Variants in SLC38A1 observed in about 807,000 individuals in gnomAD.
SLC38A1 encodes the protein solute carrier family 38 member 1.
Under a neutral mutation model 60.3 loss-of-function variants are expected in SLC38A1, and 18 were observed. The observed-to-expected ratio is 0.30, with a 90% CI of 0.21 to 0.44. The LOEUF is 0.44. SLC38A1 is among the 20% of genes least tolerant of loss of function. SLC38A1 has a pLI of 1.00. For synonymous variants in SLC38A1, 196 were observed against 212.1 expected, an observed-to-expected ratio of 0.92 and a Z score of 0.66; for missense variants, 448 against 587.2, an observed-to-expected ratio of 0.76 and a Z score of 2.45.
chr12:46,254,460 T>A (rs1292266607), intron 1 of SLC38A1, among the ~76,000 whole-genome samples: 1 of 152,258 alleles, frequency 6.6e-6, no homozygotes, highest in Non-Finnish European at 1.5e-5. Context: ...AGAATAATTA[T>A]TTTTCACATA....
intron 5 of SLC38A1, among the ~76,000 whole-genome samples, chr12:46,228,010 C>T (rs1940931580): frequency 6.6e-6 from 1 of 151,946 alleles, no homozygotes; most frequent in African/African-American, 2.4e-5. Flanking sequence ...GCCATATTAC[C>T]CTAAAACCTG....
intron 5 of SLC38A1, among the ~76,000 whole-genome samples, chr12:46,214,871 G>A (rs1192293364): frequency 6.6e-6 from 1 of 152,218 alleles, no homozygotes; most frequent in Non-Finnish European, 1.5e-5. Context: ...TCAGATGGGG[G>A]TGTTTGGGGC....
At chr12:46,247,209 C>T (rs1941651626) in intron 1 of SLC38A1, among the ~76,000 whole-genome samples, 2 of 152,190 alleles carry the variant, frequency 1.3e-5, no homozygotes, top group South Asian at 4.1e-4. Context: ...AAGTAGGCTT[C>T]AGAAGGTCGG....
At chr12:46,243,027 A>T (rs964589236) in intron 2 of SLC38A1, among the ~76,000 whole-genome samples, 173 bp downstream of exon 2, 1 of 151,842 alleles carries the variant, frequency 6.6e-6, no homozygotes, top group African/African-American at 2.4e-5. Flanking sequence ...TCATATTGTA[A>T]GCATTTTGAA....
At chr12:46,213,256 C>T (rs1940256078) in intron 5 of SLC38A1, among the ~76,000 whole-genome samples, 1 of 152,200 alleles carries the variant, frequency 6.6e-6, no homozygotes, top group Non-Finnish European at 1.5e-5. Context: ...CAACCACACA[C>T]TTTTCATTCT....
chr12:46,191,743 GTA>G (rs1939155242), intron 16 of SLC38A1, among the ~76,000 whole-genome samples: 1 of 152,138 alleles, frequency 6.6e-6, no homozygotes, highest in South Asian at 2.1e-4. Context: ...TATTATTGGT[GTA>G]TAGGAATGGT....
At chr12:46,219,480 T>C (rs542249838) in intron 5 of SLC38A1, among the ~76,000 whole-genome samples, 3 of 152,332 alleles carry the variant, frequency 2.0e-5, no homozygotes, top group African/African-American at 7.2e-5. Flanking sequence ...GCGGGTGGCT[T>C]TGGTCTGCAG....
chr12:46,211,861 C>A (rs1030685775), intron 5 of SLC38A1, among the ~76,000 whole-genome samples: 3 of 152,140 alleles, frequency 2.0e-5, no homozygotes, highest in African/African-American at 7.2e-5. Flanking sequence ...AGTCCTTTCC[C>A]AAATGTAGAT....
chr12:46,237,615 A>C (rs2138199844), intron 3 of SLC38A1, among the ~76,000 whole-genome samples: 1 of 152,000 alleles, frequency 6.6e-6, no homozygotes, highest in Non-Finnish European at 1.5e-5. Context: ...CATCCAGGCA[A>C]GGTGCCTAAG....
chr12:46,235,299 G>A (rs905409221), intron 3 of SLC38A1, among the ~76,000 whole-genome samples: 3 of 152,172 alleles, frequency 2.0e-5, no homozygotes, highest in Non-Finnish European at 4.4e-5. Context: ...AGATTATACT[G>A]TTTCCTCTGA....
chr12:46,240,717 C>CAACT (rs1941417664), intron 2 of SLC38A1, among the ~76,000 whole-genome samples: 1 of 152,170 alleles, frequency 6.6e-6, no homozygotes, highest in Non-Finnish European at 1.5e-5. Context: ...GTGTATCCAT[C>CAACT]AACTGCAAGA....
chr12:46,244,234 T>C (rs1941541169), intron 1 of SLC38A1, among the ~76,000 whole-genome samples: 1 of 152,156 alleles, frequency 6.6e-6, no homozygotes, highest in African/African-American at 2.4e-5. Context: ...AGGTAAGTCT[T>C]AATTTAATAA....
intron 1 of SLC38A1, among the ~76,000 whole-genome samples, chr12:46,261,665 C>T (rs1250296904): frequency 3.9e-5 from 6 of 152,064 alleles, no homozygotes; most frequent in Admixed American, 6.6e-5. Context: ...TTGATCTGGG[C>T]GTGTGGGATT....
chr12:46,235,902 G>C (rs1283319331), intron 3 of SLC38A1, among the ~76,000 whole-genome samples: 2 of 152,184 alleles, frequency 1.3e-5, no homozygotes. Context: ...ATATTTGTCT[G>C]GGTACACCTA....
chr12:46,255,744 C>T (rs962125171), intron 1 of SLC38A1, among the ~76,000 whole-genome samples: 5 of 152,174 alleles, frequency 3.3e-5, no homozygotes, highest in Non-Finnish European at 7.3e-5. Context: ...GGATAGCACA[C>T]AGAAGTGCAG....
chr12:46,234,175 C>A (rs1198917107), intron 3 of SLC38A1, among the ~76,000 whole-genome samples: 1 of 152,202 alleles, frequency 6.6e-6, no homozygotes, highest in Non-Finnish European at 1.5e-5. Flanking sequence ...ACTCTGTCAA[C>A]ACTGAACTCA....
chr12:46,244,993 G>A (rs1488926911), intron 1 of SLC38A1, among the ~76,000 whole-genome samples: 1 of 152,114 alleles, frequency 6.6e-6, no homozygotes, highest in Non-Finnish European at 1.5e-5. Flanking sequence ...TGTCTTGTTA[G>A]ATTTTTTTAT....
At chr12:46,209,229 TTG>T in intron 5 of SLC38A1, 102 bp from the exon 6 acceptor site, 2 of 731,766 alleles carry the variant, frequency 2.7e-6, no homozygotes, top group Non-Finnish European at 4.3e-6. Flanking sequence ...TTAACACTAT[TTG>T]TTAATAGTAT....
chr12:46,189,094 G>A, intron 16 of SLC38A1, 23 bp from the exon 17 acceptor site: 1 of 1,599,588 alleles, frequency 6.3e-7, no homozygotes, highest in Non-Finnish European at 8.6e-7. Flanking sequence ...AAAGGCAAGG[G>A]TTATTTTCAG....
Sources: allele counts gnomAD v4.1 joint callset (sites outside exome capture counted in the v4.1 genomes callset), GRCh38; gene constraint gnomAD v4.1.1; transcripts MANE v1.5; gene names NCBI Gene and HGNC (gene_info 2026-07-23, HGNC 2026-07-21).